Variants in GTF3C1 observed in about 807,000 individuals in gnomAD.
The protein encoded by GTF3C1 is general transcription factor IIIC subunit 1, also known as general transcription factor 3C polypeptide 1.
Under a neutral mutation model 226.7 loss-of-function variants are expected in GTF3C1, and 57 were observed. The observed-to-expected ratio is 0.25, with a 90% CI of 0.20 to 0.31. GTF3C1 has a LOEUF of 0.31. GTF3C1 is among the 10% of genes least tolerant of loss of function. The pLI is 1.00. For synonymous variants in GTF3C1, 1,090 were observed against 1,084.8 expected, an observed-to-expected ratio of 1.00 and a Z score of -0.09; for missense variants, 2,217 against 2,776.1, an observed-to-expected ratio of 0.80 and a Z score of 4.53.
In GTF3C1 at chr16:27,507,466, G is replaced by T. The variant is rs1436167645; in HGVS notation, c.1243-310C>A. Among the ~76,000 whole-genome samples the T allele has an allele frequency of 6.6e-6, 1 of 152,150 alleles. No homozygotes were observed. Among genetic ancestry groups the T allele is most frequent in the Non-Finnish European group, 1.5e-5 (1 of 68,046 alleles). On this transcript the variant is annotated intron_variant, in intron 8 of 36. Transcript: ENST00000356183. This position sits in a 1 kb window ranked among gnomAD's most constrained non-coding sequence, Gnocchi z 4.9. ...CATATAGCCCCAGTGGCTGGGACAG[G>T]ACGTGGCCCACACAAAATGGACAGT...
intron 6 of GTF3C1, among the ~76,000 whole-genome samples, chr16:27,515,980 G>A (rs1273737404): frequency 2.6e-5 from 4 of 152,208 alleles, no homozygotes; most frequent in African/African-American, 9.6e-5. Flanking sequence ...AAGTGATGGC[G>A]CTATGTAGTG....
chr16:27,509,205 G>A (rs564300718), intron 7 of GTF3C1, among the ~76,000 whole-genome samples: 1 of 152,350 alleles, frequency 6.6e-6, no homozygotes, highest in South Asian at 2.1e-4. Flanking sequence ...CAGCCCTGGA[G>A]TAAATGACTC....
intron 2 of GTF3C1, 85 bp from the exon 3 acceptor site, chr16:27,538,441 C>T (rs1013573752): frequency 6.1e-6 from 5 of 819,488 alleles, no homozygotes; most frequent in South Asian, 5.9e-5. Context: ...GTGCAGAATC[C>T]TCATTTCCTG....
chr16:27,463,890 G>A lies in GTF3C1; in HGVS notation c.5873-298C>T, dbSNP rs1225040445. Reference sequence around the variant, plus strand: ...CCCAGAAGCCCCGACCACAAGGGTGGTATAAAACCCGAGGCAAAAACACCC... The same window carrying A: ...CCCAGAAGCCCCGACCACAAGGGTGATATAAAACCCGAGGCAAAAACACCC... On this transcript the variant is annotated intron_variant, in intron 34 of 36. Coordinates refer to ENST00000356183, the MANE Select transcript of GTF3C1 (RefSeq NM_001520.4). The surrounding 1 kb of genome is among the most constrained non-coding windows in gnomAD (Gnocchi z 4.9). 1 of 370,138 alleles carries A rather than the reference G, an allele frequency of 2.7e-6. No individual in the cohort carries two copies. Among genetic ancestry groups the A allele is most frequent in the Non-Finnish European group, 4.8e-6 (1 of 206,944 alleles). The allele number at this position is 370,138 out of a possible 1,614,324, so 22.9% of individuals were successfully genotyped here.
In GTF3C1 at chr16:27,512,881, C is replaced by T. The variant is rs11639882; in HGVS notation, c.974-980G>A. On this transcript the variant is annotated intron_variant, in intron 6 of 36. Transcript: ENST00000356183. ...CAAGCTCCTGACAGCTTGTAAGTGA[C>T]GGGAAAAATGACTCAGTCACGGTCA... Among the ~76,000 whole-genome samples, 423 of 152,208 alleles carry T rather than the reference C, an allele frequency of 2.8e-3. 2 individuals are homozygous for T. Among genetic ancestry groups the T allele is most frequent in the Non-Finnish European group, 4.6e-3 (315 of 68,000 alleles).
intron 24 of GTF3C1, among the ~76,000 whole-genome samples, chr16:27,485,016 T>C (rs1567391969): frequency 6.6e-6 from 1 of 152,176 alleles, no homozygotes; most frequent in Non-Finnish European, 1.5e-5. Flanking sequence ...CACTTACCCA[T>C]CAGCTCTGCA....
intron 6 of GTF3C1, 127 bp from the exon 7 acceptor site, chr16:27,512,028 C>G (rs1422923293): frequency 2.0e-6 from 2 of 1,006,014 alleles, no homozygotes; most frequent in East Asian, 2.5e-5. Flanking sequence ...TCACACATAT[C>G]ACCGTGTCTG....
In GTF3C1 at chr16:27,484,348, C is replaced by T. The variant is rs763350668; in HGVS notation, c.3864G>A (p.Lys1288=). Residue 1288 remains lysine, a synonymous_variant, in exon 25 of 37, where the codon AAG becomes AAA. Coordinates refer to ENST00000356183, the MANE Select transcript of GTF3C1 (RefSeq NM_001520.4). ...IASNVLNTKV[K]GPFVTWQVVR... The stretch of plus-strand genomic sequence containing the variant: ...CCACCTGCCAGGTGACAAATGGGCC[C>T]TTCACCTGGATCAAACACAGAGCCA... The T allele has an allele frequency of 6.2e-7, 1 of 1,606,918 alleles. No individual in the cohort carries two copies. Among genetic ancestry groups the T allele is most frequent in the Non-Finnish European group, 8.5e-7 (1 of 1,173,594 alleles).
intron 8 of GTF3C1, 133 bp downstream of exon 8, chr16:27,508,407 G>A (rs1417223851): frequency 1.5e-6 from 1 of 669,828 alleles, no homozygotes; most frequent in Non-Finnish European, 2.7e-6. Flanking sequence ...ACTGCACTCA[G>A]CCCTGGGGAG....
chr16:27,470,417 G>A lies in GTF3C1; in HGVS notation c.4527-22C>T, dbSNP rs1161809536. On this transcript the variant is annotated intron_variant, in intron 30 of 36. Coordinates refer to ENST00000356183, the MANE Select transcript of GTF3C1 (RefSeq NM_001520.4). This position sits in a 1 kb window ranked among gnomAD's most constrained non-coding sequence, Gnocchi z 4.9. ...AATCCTACAGACAAAAAGAAAGGAA[G>A]GGCCTGACTGAGGGCCAGCTGTGGG... 1.2e-6 allele frequency: 2 copies of A among 1,602,366 alleles called. No individual in the cohort carries two copies. Among genetic ancestry groups the A allele is most frequent in the Non-Finnish European group, 1.7e-6 (2 of 1,172,692 alleles).
intron 6 of GTF3C1, among the ~76,000 whole-genome samples, chr16:27,526,985 A>C (rs1026304734): frequency 6.6e-6 from 1 of 152,212 alleles, no homozygotes; most frequent in Non-Finnish European, 1.5e-5. Flanking sequence ...GCAGGAGATC[A>C]CTTGAGCCCA....
intron 6 of GTF3C1, among the ~76,000 whole-genome samples, chr16:27,523,059 T>C (rs1221422823): frequency 6.6e-6 from 1 of 152,156 alleles, no homozygotes; most frequent in Non-Finnish European, 1.5e-5. Context: ...CTGAAAAACC[T>C]AGCCAGTTGA....
At chr16:27,472,886 T>G (rs1328227343) in intron 29 of GTF3C1, among the ~76,000 whole-genome samples, 1 of 152,208 alleles carries the variant, frequency 6.6e-6, no homozygotes, top group Non-Finnish European at 1.5e-5. Context: ...ATTTGCTTAC[T>G]CATTGTTTGG....
chr16:27,464,229 A>C (rs2087747324), intron 34 of GTF3C1, 91 bp downstream of exon 34: 15 of 758,436 alleles, frequency 2.0e-5, no homozygotes, highest in East Asian at 6.6e-5. Context: ...CAGGTCCCCC[A>C]TCCTCGGAGG....
chr16:27,547,052 T>C (rs2089176203), intron 1 of GTF3C1, among the ~76,000 whole-genome samples: 1 of 152,112 alleles, frequency 6.6e-6, no homozygotes, highest in Non-Finnish European at 1.5e-5. Context: ...CAACCCTCCG[T>C]TCTTAAATGA....
In GTF3C1 at chr16:27,463,581, T is replaced by A. The variant is rs777038267; in HGVS notation, c.5884A>T (p.Ser1962Cys). 1.6e-5 allele frequency: 26 copies of A among 1,599,680 alleles called. No individual in the cohort carries two copies. Among genetic ancestry groups the A allele is most frequent in the African/African-American group, 1.3e-5 (1 of 74,432 alleles). ...GSEDPRGFTE[S>C]FGAANISQAA... is the part of the protein sequence containing the mutation. The stretch of plus-strand genomic sequence containing the variant: ...TGGGAGATGTTGGCAGCTCCGAAAC[T>A]CTCTGTGAACCCTGAGGGAAGAGGA... The change falls in exon 35 of 37, where the codon AGT becomes TGT. Residue 1962 changes from serine (S) to cysteine (C), a missense_variant. This residue lies in a region of GTF3C1 where 455 missense variants were observed against 441.9 expected (regional missense o/e 1.03). Coordinates refer to ENST00000356183, the MANE Select transcript of GTF3C1 (RefSeq NM_001520.4). The surrounding 1 kb of genome is among the most constrained non-coding windows in gnomAD (Gnocchi z 4.9).
At chr16:27,472,558 C>A (rs534856757) in intron 29 of GTF3C1, among the ~76,000 whole-genome samples, 1 of 152,222 alleles carries the variant, frequency 6.6e-6, no homozygotes, top group Non-Finnish European at 1.5e-5. Context: ...CAGTCCTTCA[C>A]GACAAGGAGC....
chr16:27,480,514 G>A (rs2088027891), intron 27 of GTF3C1, among the ~76,000 whole-genome samples: 1 of 152,190 alleles, frequency 6.6e-6, no homozygotes. Context: ...CAGTTCACAG[G>A]CAGAACTGAT....
intron 9 of GTF3C1, 30 bp from the exon 10 acceptor site, chr16:27,506,146 C>G (rs945106262): frequency 2.3e-6 from 3 of 1,332,502 alleles, no homozygotes; most frequent in Non-Finnish European, 3.2e-6. Flanking sequence ...TAGAACAAAT[C>G]AAGGGGGAGG....
Sources: gnomAD v4.1 joint callset for allele counts (sites outside exome capture counted in the v4.1 genomes callset) on GRCh38, gnomAD v4.1.1 for gene constraint, gnomAD v4.1.1 regional missense constraint, Gnocchi (gnomAD v3.1) non-coding constraint, MANE v1.5 for transcripts, NCBI Gene and HGNC (gene_info 2026-07-23, HGNC 2026-07-21) for gene names.